The following ZNF396 variants were observed in gnomAD, a reference collection of about 807,000 sequenced individuals.
ZNF396 encodes zinc finger protein 396.
A neutral mutation model predicts 20.5 loss-of-function variants in ZNF396; 14 were observed. The observed-to-expected ratio is 0.68, with a 90% CI of 0.45 to 1.07. ZNF396 has a LOEUF of 1.07. ZNF396 is among the 50% of genes least tolerant of loss of function. ZNF396 has a pLI of 0.00. For synonymous variants in ZNF396, 119 were observed against 140.6 expected (o/e 0.85, Z 1.08); for missense variants, 347 against 390.1 (o/e 0.89, Z 0.93).
At chr18:35,373,809 A>G in intron 2 of ZNF396, 67 bp downstream of exon 2, 1 of 1,549,546 alleles carries the variant, frequency 6.5e-7, no homozygotes, top group Non-Finnish European at 8.7e-7. Flanking sequence ...TGAGAGCTCT[A>G]CTCCCAATGA....
Position 35,374,044 on chromosome 18 carries a change from C to T in ZNF396, c.249G>A (p.Pro83=), listed in dbSNP as rs374744579. The T allele has an allele frequency of 3.3e-5, 53 of 1,614,212 alleles. No individual in the cohort carries two copies. The highest frequency in any genetic ancestry group is 6.7e-5 in the Admixed American group (4 of 60,032). ...GGATCTGCTCCTTGGTGTGCACTTC[C>T]GGCCTCAGCCAGAGATGACAAAGTT... The part of the protein sequence containing the change: ...LWELCHLWLR[P]EVHTKEQILE... The change falls in exon 2 of 4, where the codon CCG becomes CCA. Residue 83 remains proline, a synonymous_variant. Coordinates refer to ENST00000589332, the MANE Select transcript of ZNF396 (RefSeq NM_001322286.2). The surrounding 1 kb of genome is among the most constrained non-coding windows in gnomAD (Gnocchi z 4.3).
At chr18:35,376,007 T>C (rs1181711200) in intron 1 of ZNF396, 1 of 152,264 alleles carries the variant, frequency 6.6e-6, no homozygotes, top group African/African-American at 2.4e-5. Context: ...CCTCCCAAAA[T>C]GCTGGGAGTA....
chr18:35,372,815 A>C (rs567308857), intron 3 of ZNF396: 1 of 152,416 alleles, frequency 6.6e-6, no homozygotes, highest in Admixed American at 6.5e-5. Flanking sequence ...ACAGCCTACA[A>C]GGCCTCTAAC....
At chr18:35,372,668 C>T (rs987510017) in intron 3 of ZNF396, 1 of 152,068 alleles carries the variant, frequency 6.6e-6, no homozygotes, top group Non-Finnish European at 1.5e-5. Context: ...GCCTTTCTAC[C>T]ACTCTATATA....
intron 1 of ZNF396, among the ~76,000 whole-genome samples, chr18:35,376,560 G>A (rs12954603): frequency 0.27 from 41,184 of 152,040 alleles, 6,580 homozygotes; most frequent in Non-Finnish European, 0.36. Context: ...TTGTCTCAGC[G>A]CAGAGGAGGA....
chr18:35,368,235 A>G lies in ZNF396; in HGVS notation c.*980T>C, dbSNP rs2045120181. On this transcript the variant is annotated 3_prime_UTR_variant, in exon 4 of 4. Transcript: ENST00000589332. ...GACAAGCAGTCATTTTCATGTTTCC[A>G]TTGACTTATTTCCAAATTACATTGC... is the stretch of plus-strand genomic sequence containing the variant. The G allele has an allele frequency of 2.1e-6, 1 of 480,412 alleles. No homozygotes were observed. Among genetic ancestry groups the G allele is most frequent in the African/African-American group, 2.0e-5 (1 of 49,576 alleles). 29.8% of individuals were successfully genotyped at this position (480,412 alleles called of 1,614,324 possible). A position where few individuals can be genotyped will look rare whatever the true frequency, so the allele number is the denominator to read the frequency against.
intron 3 of ZNF396, chr18:35,372,212 G>A (rs909766036): frequency 3.3e-5 from 5 of 152,008 alleles, no homozygotes; most frequent in African/African-American, 1.2e-4. Flanking sequence ...GCCACACCTG[G>A]CTTTGAGGTT....
chr18:35,376,406 T>C (rs1598708192), intron 1 of ZNF396: 4 of 152,370 alleles, frequency 2.6e-5, no homozygotes, highest in Admixed American at 2.6e-4. Context: ...CCCCATGTTG[T>C]AGACGGGGAA....
Position 35,366,819 on chromosome 18 carries a change from G to A in ZNF396, c.*2396C>T, listed in dbSNP as rs1271887286. 1 of 152,100 alleles carries A rather than the reference G, an allele frequency of 6.6e-6. No homozygotes were observed. Among genetic ancestry groups the A allele is most frequent in the Non-Finnish European group, 1.5e-5 (1 of 68,018 alleles). The allele number at this position is 152,100 out of a possible 1,614,324, so 9.4% of individuals were successfully genotyped here. ...TAAACTAGTACCATTCACTCATTAG[G>A]ATACCTACATAACTGCAAAATAATT... On this transcript the variant is annotated 3_prime_UTR_variant, in exon 4 of 4. Coordinates refer to ENST00000589332, the MANE Select transcript of ZNF396 (RefSeq NM_001322286.2).
At chr18:35,371,081 T>C (rs1468964032) in intron 3 of ZNF396, among the ~76,000 whole-genome samples, 2 of 152,200 alleles carry the variant, frequency 1.3e-5, no homozygotes, top group Non-Finnish European at 2.9e-5. Context: ...GAATTAGTGA[T>C]GCAATGTGAT....
intron 1 of ZNF396, among the ~76,000 whole-genome samples, 182 bp downstream of exon 1, chr18:35,377,096 C>T (rs908985383): frequency 1.3e-5 from 2 of 152,018 alleles, no homozygotes; most frequent in Non-Finnish European, 2.9e-5. Context: ...TGCGCGGACT[C>T]AGGGGCAGGC....
At position 35,367,971 on chromosome 18, in the gene ZNF396, GA is replaced by G. The variant is rs544436853; in HGVS notation, c.*1243del. On this transcript the variant is annotated 3_prime_UTR_variant, in exon 4 of 4. Transcript: ENST00000589332. ...ACATATTCATAGTTGATTTATGCCA[GA>G]AAAGGGGACACTGAAAGTATTGTCA... 323 of 153,738 alleles carry G rather than the reference GA, an allele frequency of 2.1e-3. 3 individuals are homozygous for G. The highest frequency in any genetic ancestry group is 7.2e-3 in the African/African-American group (299 of 41,650). 9.5% of individuals were successfully genotyped at this position (153,738 alleles called of 1,614,324 possible). A position where few individuals can be genotyped will look rare whatever the true frequency, so the allele number is the denominator to read the frequency against.
At chr18:35,373,832 C>T (rs369222997) in intron 2 of ZNF396, 44 bp downstream of exon 2, 33 of 1,574,056 alleles carry the variant, frequency 2.1e-5, no homozygotes, top group Non-Finnish European at 2.7e-5. Context: ...TGCCAGTGCT[C>T]TTGACTCAGC....
In ZNF396 at chr18:35,374,111, T is replaced by C. The variant is rs778481234; in HGVS notation, c.182A>G (p.Gln61Arg). ...FRQQFRQFGY[Q>R]DSPGPHEALS... ...AGCCTCATGGGGCCCAGGTGAATCC[T>C]GGTAGCCAAACTGCCTGAATTGCTG... Residue 61 changes from glutamine (Q) to arginine (R), a missense_variant, in exon 2 of 4, where the codon CAG (glutamine) becomes CGG (arginine). Transcript: ENST00000589332. The surrounding 1 kb of genome is among the most constrained non-coding windows in gnomAD (Gnocchi z 4.3). 6.2e-7 allele frequency: 1 copy of C among 1,614,234 alleles called. No individual in the cohort carries two copies.
Position 35,368,065 on chromosome 18 carries a change from C to T in ZNF396, c.*1150G>A, listed in dbSNP as rs2045118103. On this transcript the variant is annotated 3_prime_UTR_variant, in exon 4 of 4. Coordinates refer to ENST00000589332, the MANE Select transcript of ZNF396 (RefSeq NM_001322286.2). The stretch of plus-strand genomic sequence containing the variant: ...TCTCTCCGACACACACTGTACTTGA[C>T]AACACTTGTGGTACATCAGTCTTGT... 2 of 192,544 alleles carry T rather than the reference C, an allele frequency of 1.0e-5. No individual in the cohort carries two copies. The highest frequency in any genetic ancestry group is 2.1e-5 in the Non-Finnish European group (2 of 94,644). 11.9% of individuals were successfully genotyped at this position (192,544 alleles called of 1,614,324 possible).
rs2045130142 is a variant in ZNF396, at chr18:35,368,693, C to G, written c.*522G>C. On this transcript the variant is annotated 3_prime_UTR_variant, in exon 4 of 4. Coordinates refer to ENST00000589332, the MANE Select transcript of ZNF396 (RefSeq NM_001322286.2). The stretch of plus-strand genomic sequence containing the variant: ...TCTTGAACTCCTGAGTTCAGGCAAT[C>G]TGCCTGCCTCGGCCTCCCAAAGTGC... 1.1e-6 allele frequency: 1 copy of G among 933,470 alleles called. No homozygotes were observed. Among genetic ancestry groups the G allele is most frequent in the Non-Finnish European group, 1.3e-6 (1 of 781,988 alleles). 57.8% of individuals were successfully genotyped at this position (933,470 alleles called of 1,614,324 possible).
chr18:35,375,240 T>G (rs895648804), intron 1 of ZNF396, among the ~76,000 whole-genome samples: 1 of 150,368 alleles, frequency 6.7e-6, no homozygotes, highest in African/African-American at 2.5e-5. Flanking sequence ...AGCCCAGGAG[T>G]TTGGGACCAG....
chr18:35,370,613 C>T (rs922997133), intron 3 of ZNF396, among the ~76,000 whole-genome samples: 49 of 143,234 alleles, frequency 3.4e-4, no homozygotes, highest in African/African-American at 1.0e-3. Context: ...CCCGGGTTCA[C>T]GCCATTCTCC....
intron 1 of ZNF396, among the ~76,000 whole-genome samples, chr18:35,375,883 C>G (rs549621055): frequency 6.6e-6 from 1 of 152,206 alleles, no homozygotes; most frequent in African/African-American, 2.4e-5. Flanking sequence ...GCTGGGATTG[C>G]AGACGTGTAC....
Sources: gnomAD v4.1 joint callset for allele counts (sites outside exome capture counted in the v4.1 genomes callset) on GRCh38, gnomAD v4.1.1 for gene constraint, Gnocchi (gnomAD v3.1) non-coding constraint, MANE v1.5 for transcripts, NCBI Gene and HGNC (gene_info 2026-07-23, HGNC 2026-07-21) for gene names.